The following ZNF385B variants were observed in gnomAD, a reference collection of about 807,000 sequenced individuals.
ZNF385B encodes the protein zinc finger protein 533.
In ZNF385B, 23 loss-of-function variants were observed where a neutral mutation model predicts 39.2. That is an observed-to-expected ratio of 0.59 (90% confidence interval 0.42 to 0.83). The LOEUF is 0.83. ZNF385B is among the 40% of genes least tolerant of loss of function. ZNF385B has a pLI of 0.00. For synonymous variants in ZNF385B, 205 were observed against 222.6 expected (o/e 0.92, Z 0.70); for missense variants, 552 against 598.9 (o/e 0.92, Z 0.82).
At chr2:179,856,286 C>T (rs763021236) in intron 1 of ZNF385B, among the ~76,000 whole-genome samples, 10 of 152,072 alleles carry the variant, frequency 6.6e-5, no homozygotes, top group Non-Finnish European at 1.0e-4. Context: ...GAACACCAGA[C>T]GGGGGCATAC....
At chr2:179,800,473 A>C (rs1486655471) in intron 1 of ZNF385B, among the ~76,000 whole-genome samples, 2 of 152,080 alleles carry the variant, frequency 1.3e-5, no homozygotes, top group Non-Finnish European at 2.9e-5. Context: ...TTTTAAATGG[A>C]TATCTGCTTT....
chr2:179,451,779 A>C (rs1407454244), intron 6 of ZNF385B, among the ~76,000 whole-genome samples: 1 of 152,128 alleles, frequency 6.6e-6, no homozygotes, highest in Non-Finnish European at 1.5e-5. Flanking sequence ...GCAAATGTAT[A>C]AACTTCAAAG....
intron 3 of ZNF385B, among the ~76,000 whole-genome samples, chr2:179,723,611 C>G (rs996041440): frequency 8.6e-5 from 13 of 151,926 alleles, no homozygotes; most frequent in African/African-American, 2.7e-4. Flanking sequence ...TATTTTAAAA[C>G]ACGCATATTT....
chr2:179,827,320 T>C (rs1707733547), intron 1 of ZNF385B, among the ~76,000 whole-genome samples: 1 of 152,154 alleles, frequency 6.6e-6, no homozygotes, highest in Non-Finnish European at 1.5e-5. Context: ...CCAGATCACC[T>C]TGGGCCTTCT....
chr2:179,592,216 T>G (rs1299211835), intron 3 of ZNF385B, among the ~76,000 whole-genome samples: 1 of 152,228 alleles, frequency 6.6e-6, no homozygotes, highest in Admixed American at 6.5e-5. Flanking sequence ...TCAGCAGTGG[T>G]GCAGTTAAGA....
chr2:179,723,976 T>C (rs1575348477), intron 3 of ZNF385B, among the ~76,000 whole-genome samples: 1 of 152,250 alleles, frequency 6.6e-6, no homozygotes, highest in East Asian at 1.9e-4. Context: ...TATTACCAAT[T>C]AGTACAATCT....
chr2:179,679,222 T>C (rs997967278), intron 3 of ZNF385B, among the ~76,000 whole-genome samples: 2 of 152,244 alleles, frequency 1.3e-5, no homozygotes, highest in East Asian at 1.9e-4. Context: ...TGTATTTTTA[T>C]AGTACCTTTT....
chr2:179,492,418 TC>T (rs1409616820), intron 5 of ZNF385B, among the ~76,000 whole-genome samples: 60 of 152,212 alleles, frequency 3.9e-4, no homozygotes, highest in Admixed American at 3.9e-3. Context: ...CTCCCAGGCT[TC>T]CACACATTAA....
At chr2:179,729,126 C>A (rs1701210906) in intron 3 of ZNF385B, among the ~76,000 whole-genome samples, 1 of 123,700 alleles carries the variant, frequency 8.1e-6, no homozygotes, top group Admixed American at 7.8e-5. Flanking sequence ...ATATTCTATT[C>A]TCAAAAAAAA....
intron 3 of ZNF385B, among the ~76,000 whole-genome samples, chr2:179,740,635 G>A (rs988251940): frequency 6.6e-6 from 1 of 152,090 alleles, no homozygotes; most frequent in Non-Finnish European, 1.5e-5. Context: ...TAACAAACAC[G>A]TCACACAACC....
chr2:179,503,101 C>T (rs2056914824), intron 5 of ZNF385B, among the ~76,000 whole-genome samples: 1 of 152,122 alleles, frequency 6.6e-6, no homozygotes, highest in Admixed American at 6.5e-5. Flanking sequence ...TCTGGAACTC[C>T]TGGGCTCAAG....
intron 3 of ZNF385B, among the ~76,000 whole-genome samples, chr2:179,654,154 C>T (rs1693488036): frequency 6.6e-6 from 1 of 151,986 alleles, no homozygotes. Flanking sequence ...TGAATCTTAA[C>T]CTAAAGGGAG....
intron 1 of ZNF385B, among the ~76,000 whole-genome samples, chr2:179,837,444 T>C (rs372513210): frequency 1.1e-3 from 167 of 152,328 alleles, no homozygotes; most frequent in African/African-American, 3.8e-3. Context: ...AGTATTTATA[T>C]AGCATCTCTT....
chr2:179,602,136 A>G (rs1688456803), intron 3 of ZNF385B, among the ~76,000 whole-genome samples: 1 of 152,242 alleles, frequency 6.6e-6, no homozygotes, highest in Non-Finnish European at 1.5e-5. Context: ...ATATTTATGC[A>G]ATACTCAGAA....
chr2:179,716,179 A>G (rs754159985), intron 3 of ZNF385B, among the ~76,000 whole-genome samples: 2 of 152,210 alleles, frequency 1.3e-5, no homozygotes, highest in African/African-American at 2.4e-5. Context: ...CATCTAAAGA[A>G]CTGAGCCAGT....
At chr2:179,536,584 T>A (rs981843490) in intron 4 of ZNF385B, 3 of 152,184 alleles carry the variant, frequency 2.0e-5, no homozygotes, top group Non-Finnish European at 4.4e-5. Context: ...AATCTGATAT[T>A]TTTAGGCAGC....
chr2:179,759,782 A>G (rs1703257240), intron 3 of ZNF385B, among the ~76,000 whole-genome samples: 2 of 152,052 alleles, frequency 1.3e-5, no homozygotes, highest in Non-Finnish European at 2.9e-5. Flanking sequence ...ACTTATTTAA[A>G]TATTTATTTT....
chr2:179,855,930 G>A (rs931871216), intron 1 of ZNF385B, among the ~76,000 whole-genome samples: 3 of 152,172 alleles, frequency 2.0e-5, no homozygotes, highest in African/African-American at 7.2e-5. Context: ...TCTCAAATCT[G>A]GTGGTGAGTG....
At chr2:179,525,746 T>G (rs1574611821) in intron 4 of ZNF385B, among the ~76,000 whole-genome samples, 1 of 152,194 alleles carries the variant, frequency 6.6e-6, no homozygotes, top group Non-Finnish European at 1.5e-5. Context: ...GGAAAGGATG[T>G]GACCATAGGG....
Sources: gnomAD v4.1 joint callset for allele counts (sites outside exome capture counted in the v4.1 genomes callset) on GRCh38, gnomAD v4.1.1 for gene constraint, MANE v1.5 for transcripts, NCBI Gene and HGNC (gene_info 2026-07-23, HGNC 2026-07-21) for gene names.